WSB2: variants seen among roughly 807,000 people sequenced by gnomAD.
WSB2 encodes the protein WD repeat and SOCS box containing 2, also known as WD repeat and SOCS box-containing protein 2.
WSB2 carries 12 observed loss-of-function variants against 48.8 expected under a neutral mutation model. That is an observed-to-expected ratio of 0.25 (90% CI 0.16 to 0.40). The LOEUF (loss-of-function observed/expected upper bound fraction) is 0.40. Ranked by LOEUF, WSB2 falls within the 10% of genes least tolerant of loss-of-function variation. The pLI, the probability that WSB2 is intolerant of heterozygous loss-of-function variation, is 1.00. For synonymous variants in WSB2, 191 were observed against 203.1 expected (o/e 0.94, Z 0.51); for missense variants, 317 against 506.2 (o/e 0.63, Z 3.59).
chr12:118,050,345 A>C (rs2031826834), intron 2 of WSB2, among the ~76,000 whole-genome samples: 1 of 151,960 alleles, frequency 6.6e-6, no homozygotes, highest in Non-Finnish European at 1.5e-5. Flanking sequence ...AGAAAGAAAA[A>C]CTGGTATTAG....
intron 4 of WSB2, 96 bp downstream of exon 4, chr12:118,042,745 A>G: frequency 6.5e-7 from 1 of 1,528,394 alleles, no homozygotes; most frequent in Non-Finnish European, 8.8e-7. Flanking sequence ...AAAAAACATC[A>G]AGAAACACTG....
At chr12:118,050,289 G>A (rs935083866) in intron 2 of WSB2, among the ~76,000 whole-genome samples, 6 of 152,224 alleles carry the variant, frequency 3.9e-5, no homozygotes, top group African/African-American at 1.4e-4. Flanking sequence ...TGGGCCATCT[G>A]AATGGGAGCT....
chr12:118,041,473 T>C (rs1425562612), intron 4 of WSB2, among the ~76,000 whole-genome samples: 1 of 152,162 alleles, frequency 6.6e-6, no homozygotes, highest in East Asian at 1.9e-4. Context: ...TTGACTAAGA[T>C]ACAAGTTTTC....
chr12:118,034,593 CG>C, intron 8 of WSB2: 1 of 541,842 alleles, frequency 1.8e-6, no homozygotes, highest in Non-Finnish European at 3.2e-6. Context: ...GTCTCTCTCT[CG>C]GCACAGCCCT....
At chr12:118,045,097 C>T (rs915896093) in intron 2 of WSB2, among the ~76,000 whole-genome samples, 1 of 152,110 alleles carries the variant, frequency 6.6e-6, no homozygotes, top group Non-Finnish European at 1.5e-5. Context: ...TTTTAACTGG[C>T]CGGGTGCGGT....
Position 118,043,313 on chromosome 12 carries a change from G to C in WSB2, c.247C>G (p.Pro83Ala), listed in dbSNP as rs780802086. ...SKNETKGRGS[P>A]KEKTLDCGQI... ...CCACAGTCCAGCGTCTTCTCTTTTG[G>C]GCTGCCCCGCCCTTTCGTCTCATTT... Residue 83 changes from proline (P) to alanine (A), a missense_variant, in exon 3 of 9, where the codon CCA (proline) becomes GCA (alanine). Pro to Ala is a conservative substitution (Grantham distance 27). Coordinates refer to ENST00000315436, the MANE Select transcript of WSB2 (RefSeq NM_018639.5). 2 of 1,611,182 alleles carry C rather than the reference G, an allele frequency of 1.2e-6. No homozygotes were observed. Among genetic ancestry groups the C allele is most frequent in the Admixed American group, 1.7e-5 (1 of 59,570 alleles).
intron 4 of WSB2, among the ~76,000 whole-genome samples, chr12:118,040,527 G>A (rs941030303): frequency 2.6e-5 from 4 of 151,948 alleles, no homozygotes; most frequent in African/African-American, 4.8e-5. Context: ...TTGGGAGGCC[G>A]AGGTGGGCAG....
intron 6 of WSB2, 71 bp downstream of exon 6, chr12:118,036,267 C>A: frequency 6.6e-7 from 1 of 1,514,176 alleles, no homozygotes; most frequent in South Asian, 1.2e-5. Flanking sequence ...CTAAAAGAGA[C>A]ATGTCTAATC....
chr12:118,052,744 C>T (rs2031878852), intron 1 of WSB2: 1 of 521,298 alleles, frequency 1.9e-6, no homozygotes, highest in African/African-American at 1.9e-5. Flanking sequence ...CCTCATTTTC[C>T]TATGAATACT....
chr12:118,057,938 A>C (rs11068795), intron 1 of WSB2, among the ~76,000 whole-genome samples: 47,037 of 148,868 alleles, frequency 0.32, 8,281 homozygotes, highest in East Asian at 0.54. Context: ...TTTTTTTTAA[A>C]TTAAATTTTT....
intron 1 of WSB2, among the ~76,000 whole-genome samples, chr12:118,055,187 C>T (rs1393200581): frequency 1.3e-5 from 2 of 152,082 alleles, no homozygotes; most frequent in Non-Finnish European, 2.9e-5. Context: ...ACCCAGGGTT[C>T]TCAACTGGGG....
chr12:118,060,934 G>GC lies in WSB2; in HGVS notation c.13+101dup. On this transcript the variant is annotated intron_variant, in intron 1 of 8. Coordinates refer to ENST00000315436, the MANE Select transcript of WSB2 (RefSeq NM_018639.5). This position sits in a 1 kb window ranked among gnomAD's most constrained non-coding sequence, Gnocchi z 4.1. Reference sequence around the variant, plus strand: ...GACGCCCCCGCCGCGTCCAGCCCCCGCCCCACCCCGCCCAGCCCGCCCCGG... The same window carrying GC: ...GACGCCCCCGCCGCGTCCAGCCCCCGCCCCCACCCCGCCCAGCCCGCCCCGG... The GC allele has an allele frequency of 6.8e-6, 2 of 295,156 alleles. No individual in the cohort carries two copies. The highest frequency in any genetic ancestry group is 9.9e-6 in the Non-Finnish European group (2 of 202,208). 18.3% of individuals were successfully genotyped at this position (295,156 alleles called of 1,614,324 possible).
Position 118,060,166 on chromosome 12 carries a change from A to C in WSB2, c.13+870T>G, listed in dbSNP as rs2032034189. Among the ~76,000 whole-genome samples the C allele has an allele frequency of 6.6e-6, 1 of 152,126 alleles. No individual in the cohort carries two copies. Among genetic ancestry groups the C allele is most frequent in the Non-Finnish European group, 1.5e-5 (1 of 68,016 alleles). ...TGGGGTTCCGAGGGAAGGTCGTTGG[A>C]GGGGAGAGGGCCAAGGCGTGCATGC... On this transcript the variant is annotated intron_variant, in intron 1 of 8. Coordinates refer to ENST00000315436, the MANE Select transcript of WSB2 (RefSeq NM_018639.5). This position sits in a 1 kb window ranked among gnomAD's most constrained non-coding sequence, Gnocchi z 4.1.
intron 2 of WSB2, among the ~76,000 whole-genome samples, chr12:118,051,971 C>A (rs2031861372): frequency 6.6e-6 from 1 of 151,794 alleles, no homozygotes; most frequent in Non-Finnish European, 1.5e-5. Context: ...GAGACTGTCT[C>A]AAAAAATAAA....
intron 6 of WSB2, chr12:118,035,733 G>A: frequency 5.5e-6 from 1 of 180,632 alleles, no homozygotes; most frequent in Non-Finnish European, 1.2e-5. Flanking sequence ...GGAAAGCACA[G>A]TTTCGATAAG....
At chr12:118,037,353 A>C (rs1266958712) in intron 5 of WSB2, among the ~76,000 whole-genome samples, 1 of 151,976 alleles carries the variant, frequency 6.6e-6, no homozygotes, top group African/African-American at 2.4e-5. Flanking sequence ...CATTAAGAGG[A>C]TTTTATTTTT....
chr12:118,045,191 C>T (rs1007264217), intron 2 of WSB2, among the ~76,000 whole-genome samples: 1 of 151,162 alleles, frequency 6.6e-6, no homozygotes, highest in African/African-American at 2.4e-5. Flanking sequence ...GGTGAAACCC[C>T]TTCTCTACTA....
At chr12:118,061,489 CG>C (rs1158883797), upstream of WSB2, among the ~76,000 whole-genome samples, 3 of 149,220 alleles carry the variant, frequency 2.0e-5, no homozygotes, top group Non-Finnish European at 4.4e-5. Flanking sequence ...CGGATAAAAA[CG>C]GGGAAGGGAG....
intron 2 of WSB2, among the ~76,000 whole-genome samples, chr12:118,049,142 G>A (rs1383746228): frequency 6.6e-6 from 1 of 152,162 alleles, no homozygotes. Context: ...AGAAATGAAG[G>A]TGCATCCCTT....
Sources: allele counts gnomAD v4.1 joint callset (sites outside exome capture counted in the v4.1 genomes callset), GRCh38; gene constraint gnomAD v4.1.1; non-coding constraint Gnocchi (gnomAD v3.1); transcripts MANE v1.5; gene names NCBI Gene and HGNC (gene_info 2026-07-23, HGNC 2026-07-21).